ZNF839: variants seen among roughly 807,000 people sequenced by gnomAD.
ZNF839 encodes the protein zinc finger protein 839.
Under a neutral mutation model 56.4 loss-of-function variants are expected in ZNF839, and 38 were observed. The observed-to-expected ratio is 0.67, with a 90% CI of 0.52 to 0.88. The LOEUF (loss-of-function observed/expected upper bound fraction) is 0.88. Ranked by LOEUF, ZNF839 falls within the 40% of genes least tolerant of loss-of-function variation. ZNF839 has a pLI of 0.00. For missense variants in ZNF839, 1,091 were observed against 1,177.6 expected (o/e 0.93, Z 1.08); for synonymous variants, 486 against 493.5 (o/e 0.98, Z 0.20).
rs760612828 is a variant in ZNF839 at position 102,326,846 on chromosome 14, C to T, written c.1150C>T (p.Arg384Cys). 31 of 1,608,724 alleles carry T rather than the reference C, an allele frequency of 1.9e-5. No homozygotes were observed. The highest frequency in any genetic ancestry group is 4.4e-5 in the South Asian group (4 of 90,384). ...AGCGGATCCATGTGAGGGAGGGGCC[C>T]GCTCCTGCTTGGTGACAGAGTCAGC... ...MPADPCEGGA[R>C]SCLVTESARG... The change falls in exon 2 of 8, where the codon CGC becomes TGC. Residue 384 changes from arginine to cysteine, a missense_variant. Transcript: ENST00000442396. This position sits in a 1 kb window ranked among gnomAD's most constrained non-coding sequence, Gnocchi z 4.3.
rs1205736670 is a variant in ZNF839 at position 102,328,387 on chromosome 14, T to A, written c.1191+1500T>A. On this transcript the variant is annotated intron_variant, in intron 2 of 7. Coordinates refer to ENST00000442396, the MANE Select transcript of ZNF839 (RefSeq NM_018335.6). ...AAAAAAAAAAAAAAATATATATATA[T>A]ATATATATATATATATATATATATG... Among the ~76,000 whole-genome samples, 223 of 65,948 alleles carry A rather than the reference T, an allele frequency of 3.4e-3. 2 individuals are homozygous for A. Among genetic ancestry groups the A allele is most frequent in the African/African-American group, 0.012 (141 of 11,366 alleles). The allele number at this position is 65,948 out of a possible 152,430, so 43.3% of individuals were successfully genotyped here. A position where few individuals can be genotyped will look rare whatever the true frequency, so the allele number is the denominator to read the frequency against.
intron 6 of ZNF839, 35 bp from the exon 7 acceptor site, chr14:102,339,059 T>C (rs1390567854): frequency 6.2e-7 from 1 of 1,613,524 alleles, no homozygotes; most frequent in Non-Finnish European, 8.5e-7. Context: ...TGCCTATTCC[T>C]TCCTATTCTA....
chr14:102,327,235 A>T (rs1435300278), intron 2 of ZNF839, among the ~76,000 whole-genome samples: 1 of 151,996 alleles, frequency 6.6e-6, no homozygotes, highest in South Asian at 2.1e-4. Context: ...CCGCCTCCCC[A>T]GTTCAAGTGA....
intron 2 of ZNF839, among the ~76,000 whole-genome samples, chr14:102,330,234 TTTA>T (rs2073706678): frequency 6.6e-6 from 1 of 151,948 alleles, no homozygotes; most frequent in Non-Finnish European, 1.5e-5. Flanking sequence ...TTTTTTAATT[TTTA>T]TTATTATTTT....
At chr14:102,319,314 C>G (rs1171343071), upstream of ZNF839, 1 of 152,670 alleles carries the variant, frequency 6.6e-6, no homozygotes, top group Non-Finnish European at 1.5e-5. The surrounding 1 kb of genome is among the most constrained non-coding windows in gnomAD (Gnocchi z 4.5). Flanking sequence ...CTCTCGTTAA[C>G]AATTCAAACT....
rs551569479 is a variant in ZNF839 at position 102,336,772 on chromosome 14, C to T, written c.1659+934C>T. 5.9e-4 allele frequency: 181 copies of T among 305,802 alleles called. 5 individuals carry two copies. Among genetic ancestry groups the T allele is most frequent in the Non-Finnish European group, 1.2e-4 (19 of 157,614 alleles). 18.9% of individuals were successfully genotyped at this position (305,802 alleles called of 1,614,324 possible). A position where few individuals can be genotyped will look rare whatever the true frequency, so the allele number is the denominator to read the frequency against. On this transcript the variant is annotated intron_variant, in intron 5 of 7. Coordinates refer to ENST00000442396, the MANE Select transcript of ZNF839 (RefSeq NM_018335.6). ...GTTTTGAAACAGGGTTTCCCTCTGT[C>T]TCCCAGACTGGAGTGCAGTGGCACA...
In ZNF839 at chr14:102,332,226, C is replaced by T. The variant is rs527513741; in HGVS notation, c.1416+380C>T. On this transcript the variant is annotated intron_variant, in intron 3 of 7. Transcript: ENST00000442396. This position sits in a 1 kb window ranked among gnomAD's most constrained non-coding sequence, Gnocchi z 4.9. ...CGGCTCACTGTGCTTCTCCACCTCC[C>T]AGGTTCAAGCGATTCTCCTTCCTTA... Among the ~76,000 whole-genome samples the T allele has an allele frequency of 6.6e-6, 1 of 152,200 alleles. No individual in the cohort carries two copies. Among genetic ancestry groups the T allele is most frequent in the Non-Finnish European group, 1.5e-5 (1 of 68,012 alleles).
At chr14:102,336,759 G>A in intron 5 of ZNF839, 1 of 320,846 alleles carries the variant, frequency 3.1e-6, no homozygotes, top group Non-Finnish European at 6.1e-6. Context: ...TTTGAAACAG[G>A]GTTTCCCTCT....
intron 1 of ZNF839, among the ~76,000 whole-genome samples, chr14:102,320,584 G>T (rs1314784849): frequency 6.6e-6 from 1 of 152,164 alleles, no homozygotes; most frequent in African/African-American, 2.4e-5. Context: ...CAGTTGTAAG[G>T]TGCCAAGGCC....
At position 102,326,556 on chromosome 14, in the gene ZNF839, G is replaced by T. The variant is rs748607190; in HGVS notation, c.860G>T (p.Cys287Phe). Residue 287 changes from cysteine (C) to phenylalanine (F), a missense_variant, in exon 2 of 8, where the codon TGT becomes TTT. Physicochemically the swap from Cys to Phe is radical, Grantham distance 205. Transcript: ENST00000442396. This position sits in a 1 kb window ranked among gnomAD's most constrained non-coding sequence, Gnocchi z 4.3. ...GATTCTGATGATTACTCAGAACTCT[G>T]TGTGGAAGAAGATGAAGATCAGAGG... ...LSDSDDYSEL[C>F]VEEDEDQRER... The T allele has an allele frequency of 6.2e-7, 1 of 1,614,022 alleles. No individual in the cohort carries two copies. Among genetic ancestry groups the T allele is most frequent in the Non-Finnish European group, 8.5e-7 (1 of 1,179,866 alleles).
chr14:102,331,727 G>C lies in ZNF839; in HGVS notation c.1297G>C (p.Glu433Gln), dbSNP rs759974655. Reference sequence around the variant, plus strand: ...AGGACCTAGAAGACGCGCATGCTCAGAGACCCTTGCAGAGTCCCGCACAGC... The same window carrying C: ...AGGACCTAGAAGACGCGCATGCTCACAGACCCTTGCAGAGTCCCGCACAGC... ...YQGPRRRACS[E>Q]TLAESRTAVL... Residue 433 changes from glutamate (E) to glutamine (Q), a missense_variant, in exon 3 of 8, where the codon GAG becomes CAG. By Grantham distance (29) the Glu-to-Gln change is conservative. Transcript: ENST00000442396. 1.2e-5 allele frequency: 20 copies of C among 1,608,052 alleles called. No homozygotes were observed. The highest frequency in any genetic ancestry group is 1.6e-5 in the Non-Finnish European group (19 of 1,177,268).
Position 102,341,941 on chromosome 14 carries a change from G to T in ZNF839, c.2546G>T (p.Cys849Phe). Reference protein sequence around the residue: ...SLSGDLNRFPCGMEVHSGQRE... With the variant: ...SLSGDLNRFPFGMEVHSGQRE... The stretch of plus-strand genomic sequence containing the variant: ...TCGGGGGACTTGAACCGGTTCCCCT[G>T]TGGGATGGAGGTGCACTCTGGCCAG... Residue 849 changes from cysteine (C) to phenylalanine (F), a missense_variant, in exon 8 of 8, where the codon TGT becomes TTT. By Grantham distance (205) the Cys-to-Phe change is radical. This residue lies in a region of ZNF839 where 431 missense variants were observed against 468.0 expected (regional missense o/e 0.92). Transcript: ENST00000442396. 1.9e-6 allele frequency: 3 copies of T among 1,614,070 alleles called. No individual in the cohort carries two copies. Among genetic ancestry groups the T allele is most frequent in the Non-Finnish European group, 2.5e-6 (3 of 1,179,902 alleles).
In ZNF839 at chr14:102,342,203, G is replaced by T; in HGVS notation, c.*24G>T. The stretch of plus-strand genomic sequence containing the variant: ...AGAAGGAGTTCCTCTAGAAGCTGTG[G>T]AGTCGGTCGTCACCGTGGAGCCAGA... On this transcript the variant is annotated 3_prime_UTR_variant, in exon 8 of 8. Coordinates refer to ENST00000442396, the MANE Select transcript of ZNF839 (RefSeq NM_018335.6). 1 of 1,572,556 alleles carries T rather than the reference G, an allele frequency of 6.4e-7. No homozygotes were observed. The highest frequency in any genetic ancestry group is 1.1e-5 in the South Asian group (1 of 87,504).
rs1886591045 is a variant in ZNF839 at position 102,342,055 on chromosome 14, A to G, written c.2660A>G (p.Lys887Arg). Residue 887 changes from lysine to arginine, a missense_variant, in exon 8 of 8, where the codon AAG becomes AGG. Lys to Arg is a conservative substitution (Grantham distance 26). Coordinates refer to ENST00000442396, the MANE Select transcript of ZNF839 (RefSeq NM_018335.6). ...CATGAGTTACTGTCTCAGGGACAGA[A>G]GCAGATTTTTATTCAGACTTCCGAT... ...GSHELLSQGQ[K>R]QIFIQTSDGL... is the part of the protein sequence containing the mutation. 6.2e-7 allele frequency: 1 copy of G among 1,613,920 alleles called. No homozygotes were observed. Among genetic ancestry groups the G allele is most frequent in the Admixed American group, 1.7e-5 (1 of 60,000 alleles).
rs1479486841 is a variant in ZNF839 at position 102,332,631 on chromosome 14, C to T, written c.1416+785C>T. Reference sequence around the variant, plus strand: ...ATCTGACAAAACTGTCAGTTGAGGCCGGGCACGGTGGCTCACACCTGTAAT... The same window carrying T: ...ATCTGACAAAACTGTCAGTTGAGGCTGGGCACGGTGGCTCACACCTGTAAT... On this transcript the variant is annotated intron_variant, in intron 3 of 7. Coordinates refer to ENST00000442396, the MANE Select transcript of ZNF839 (RefSeq NM_018335.6). This position sits in a 1 kb window ranked among gnomAD's most constrained non-coding sequence, Gnocchi z 4.9. 2.6e-5 allele frequency among the ~76,000 whole-genome samples: 4 copies of T among 151,328 alleles called. No individual in the cohort carries two copies. Among genetic ancestry groups the T allele is most frequent in the South Asian group, 2.1e-4 (1 of 4,708 alleles).
chr14:102,339,138 A>G lies in ZNF839; in HGVS notation c.1842A>G (p.Glu614=), dbSNP rs1886196611. 6.2e-7 allele frequency: 1 copy of G among 1,613,610 alleles called. No individual in the cohort carries two copies. Among genetic ancestry groups the G allele is most frequent in the East Asian group, 2.2e-5 (1 of 44,874 alleles). Residue 614 remains glutamate, a synonymous_variant, in exon 7 of 8, where the codon GAA becomes GAG. Coordinates refer to ENST00000442396, the MANE Select transcript of ZNF839 (RefSeq NM_018335.6). Reference sequence around the variant, plus strand: ...CCTCAGTGAAAAGGCCCAGAAGAGAAGCCCTGTCCAACGATACCACTGAAT... The same window carrying G: ...CCTCAGTGAAAAGGCCCAGAAGAGAGGCCCTGTCCAACGATACCACTGAAT... ...GLASVKRPRR[E]ALSNDTTESL...
In ZNF839 at chr14:102,326,027, A is replaced by G. The variant is rs913097790; in HGVS notation, c.331A>G (p.Lys111Glu). 1.2e-6 allele frequency: 2 copies of G among 1,613,298 alleles called. No individual in the cohort carries two copies. Among genetic ancestry groups the G allele is most frequent in the East Asian group, 2.2e-5 (1 of 44,892 alleles). The change falls in exon 2 of 8, where the codon AAA becomes GAA. Residue 111 changes from lysine (K) to glutamate (E), a missense_variant. Transcript: ENST00000442396. This position sits in a 1 kb window ranked among gnomAD's most constrained non-coding sequence, Gnocchi z 4.3. ...ICVKVTSGET[K>E]GQERPMLLPT... ...TGTCAAGGTAACGTCTGGAGAAACA[A>G]AAGGTCAGGAAAGGCCAATGCTCCT...
Position 102,338,853 on chromosome 14 carries a change from A to G in ZNF839, c.1697A>G (p.Lys566Arg). ...TTAGGAATCACAGAATTCCTACGGA[A>G]GAAAGAAATACACCCAGACAACCTT... Reference protein sequence around the residue: ...ESLGITEFLRKKEIHPDNLGP... With the variant: ...ESLGITEFLRRKEIHPDNLGP... The change falls in exon 6 of 8, where the codon AAG becomes AGG. Residue 566 changes from lysine (K) to arginine (R), a missense_variant. Physicochemically the swap from Lys to Arg is conservative, Grantham distance 26. Around this residue, in one of 3 missense-constraint regions of ZNF839, gnomAD observed 431 missense variants for 468.0 expected, o/e 0.92. Transcript: ENST00000442396. 6.2e-7 allele frequency: 1 copy of G among 1,613,916 alleles called. No individual in the cohort carries two copies. Among genetic ancestry groups the G allele is most frequent in the Non-Finnish European group, 8.5e-7 (1 of 1,179,878 alleles).
In ZNF839 at chr14:102,341,839, A is replaced by T; in HGVS notation, c.2444A>T (p.Tyr815Phe). 6.2e-7 allele frequency: 1 copy of T among 1,614,022 alleles called. No individual in the cohort carries two copies. The highest frequency in any genetic ancestry group is 8.5e-7 in the Non-Finnish European group (1 of 1,179,884). Residue 815 changes from tyrosine (Y) to phenylalanine (F), a missense_variant, in exon 8 of 8, where the codon TAC becomes TTC. By Grantham distance (22) the Tyr-to-Phe change is conservative. This residue lies in a region of ZNF839 where 431 missense variants were observed against 468.0 expected (regional missense o/e 0.92). Coordinates refer to ENST00000442396, the MANE Select transcript of ZNF839 (RefSeq NM_018335.6). ...GATAGCGTGGCAGTGGACTGTGCCT[A>T]CAGGACTGTGCCCAAGCCAGGGCCT... The part of the protein sequence containing the change: ...SVDSVAVDCA[Y>F]RTVPKPGPQP...
Sources: gnomAD v4.1 joint callset for allele counts (sites outside exome capture counted in the v4.1 genomes callset) on GRCh38, gnomAD v4.1.1 for gene constraint, gnomAD v4.1.1 regional missense constraint, Gnocchi (gnomAD v3.1) non-coding constraint, MANE v1.5 for transcripts, NCBI Gene and HGNC (gene_info 2026-07-23, HGNC 2026-07-21) for gene names.